MFN1: variants seen among roughly 807,000 people sequenced by gnomAD.
The protein encoded by MFN1 is mitofusin 1, also known as mitofusin-1.
Under a neutral mutation model 92.4 loss-of-function variants are expected in MFN1, and 65 were observed. That is an observed-to-expected ratio of 0.70 (90% confidence interval 0.58 to 0.86). The LOEUF (loss-of-function observed/expected upper bound fraction) is 0.86, where lower values mean the gene tolerates loss of function less well. MFN1 is among the 40% of genes least tolerant of loss of function. MFN1 has a pLI of 0.00. For synonymous variants in MFN1, 297 were observed against 300.9 expected, an observed-to-expected ratio of 0.99 and a Z score of 0.13; for missense variants, 781 against 868.0, an observed-to-expected ratio of 0.90 and a Z score of 1.26.
At chr3:179,357,272 A>C (rs73043474) in intron 3 of MFN1, among the ~76,000 whole-genome samples, 26,059 of 152,160 alleles carry the variant, frequency 0.17, 2,334 homozygotes, top group Admixed American at 0.23. Flanking sequence ...GCCAAAGTGC[A>C]GCCTGATTAT....
At chr3:179,349,010 A>G in intron 2 of MFN1, 47 bp downstream of exon 2, 1 of 1,472,768 alleles carries the variant, frequency 6.8e-7, no homozygotes, top group Non-Finnish European at 9.3e-7. Flanking sequence ...GAAAATATAT[A>G]AAAGTGCTTA....
At chr3:179,389,978 G>T in intron 16 of MFN1, 26 bp from the exon 17 acceptor site, 2 of 1,584,064 alleles carry the variant, frequency 1.3e-6, no homozygotes, top group South Asian at 1.2e-5. Flanking sequence ...AGACATTTAT[G>T]ACTGCTTCTA....
chr3:179,365,675 T>C (rs565955681), intron 7 of MFN1, among the ~76,000 whole-genome samples: 1 of 152,354 alleles, frequency 6.6e-6, no homozygotes, highest in South Asian at 2.1e-4. Context: ...ACTTCCCTTC[T>C]GTCCTACTTC....
chr3:179,361,006 C>T (rs1407727790), intron 4 of MFN1, among the ~76,000 whole-genome samples: 2 of 152,076 alleles, frequency 1.3e-5, no homozygotes, highest in Non-Finnish European at 2.9e-5. Context: ...TACCTGTAGT[C>T]CCAGCTACCC....
chr3:179,366,281 A>G (rs1712790267), intron 7 of MFN1, among the ~76,000 whole-genome samples: 1 of 152,026 alleles, frequency 6.6e-6, no homozygotes, highest in African/African-American at 2.4e-5. Context: ...AGTTAAGAAT[A>G]TGTTCGATTT....
intron 3 of MFN1, 105 bp from the exon 4 acceptor site, chr3:179,358,735 A>T: frequency 2.5e-6 from 3 of 1,198,452 alleles, no homozygotes; most frequent in Non-Finnish European, 3.5e-6. Flanking sequence ...GTCTTAAGAA[A>T]TCTTAACAAA....
At chr3:179,380,887 C>T (rs115151682) in intron 14 of MFN1, among the ~76,000 whole-genome samples, 196 of 152,260 alleles carry the variant, frequency 1.3e-3, no homozygotes, top group African/African-American at 4.4e-3. Flanking sequence ...CCTGTCACTA[C>T]ATTTATTGAT....
At chr3:179,361,108 G>C (rs1560191894) in intron 4 of MFN1, among the ~76,000 whole-genome samples, 1 of 152,136 alleles carries the variant, frequency 6.6e-6, no homozygotes. Context: ...GCAAGACACT[G>C]TCTCGAAAAG....
At chr3:179,353,142 C>G (rs1350817167) in intron 3 of MFN1, among the ~76,000 whole-genome samples, 1 of 143,770 alleles carries the variant, frequency 7.0e-6, no homozygotes. Flanking sequence ...CAACCTCCGC[C>G]TCCCGGGTTC....
At chr3:179,362,767 G>A (rs539827734) in intron 5 of MFN1, among the ~76,000 whole-genome samples, 11 of 152,242 alleles carry the variant, frequency 7.2e-5, no homozygotes, top group Non-Finnish European at 1.6e-4. Flanking sequence ...TTCGCCTGCC[G>A]GGTACAAGTG....
In MFN1 at chr3:179,377,491, A is replaced by C. The variant is rs73045111; in HGVS notation, c.1329+43A>C. 5,135 of 1,178,280 alleles carry C rather than the reference A, an allele frequency of 4.4e-3. 152 individuals are homozygous for C. In the African/African-American group the frequency reaches 0.071, roughly 16 times the overall value. The allele number at this position is 1,178,280 out of a possible 1,614,324, so 73.0% of individuals were successfully genotyped here. On this transcript the variant is annotated intron_variant, in intron 12 of 17. Coordinates refer to ENST00000471841, the MANE Select transcript of MFN1 (RefSeq NM_033540.3). ...TAAAATTATTCAGAGACAGTTTCTT[A>C]TTATTCTATACCCTCATTTATTTCA...
chr3:179,375,349 T>C lies in MFN1; in HGVS notation c.1097+8T>C. On this transcript the variant is annotated splice_region_variant and intron_variant, in intron 10 of 17. Coordinates refer to ENST00000471841, the MANE Select transcript of MFN1 (RefSeq NM_033540.3). ...GGCAGCTGAAGATAAAAGGTATGAG[T>C]TCATTTTGTTGCAACATAAAAATGT... 6.2e-7 allele frequency: 1 copy of C among 1,609,252 alleles called. No homozygotes were observed. Among genetic ancestry groups the C allele is most frequent in the African/African-American group, 1.3e-5 (1 of 74,812 alleles).
At chr3:179,360,233 A>AGTGTATCATTGCTGTTTAATC (rs1177943191) in intron 4 of MFN1, among the ~76,000 whole-genome samples, 8 of 152,122 alleles carry the variant, frequency 5.3e-5, no homozygotes, top group African/African-American at 1.9e-4. Flanking sequence ...ACATTATTGA[A>AGTGTATCATTGCTGTTTAATC]GTGTATCATT....
chr3:179,357,486 G>A (rs1012843810), intron 3 of MFN1, among the ~76,000 whole-genome samples: 7 of 152,192 alleles, frequency 4.6e-5, no homozygotes, highest in African/African-American at 1.4e-4. Flanking sequence ...ATGAAGGCAA[G>A]AAGGTTCCCT....
At chr3:179,359,213 C>T (rs1003078771) in intron 4 of MFN1, among the ~76,000 whole-genome samples, 7 of 151,948 alleles carry the variant, frequency 4.6e-5, no homozygotes, top group Admixed American at 2.0e-4. Flanking sequence ...CTCTGCCTCC[C>T]GGGTTCAAGC....
chr3:179,368,015 A>G, intron 8 of MFN1, 21 bp from the exon 9 acceptor site: 1 of 1,474,694 alleles, frequency 6.8e-7, no homozygotes, highest in Non-Finnish European at 9.0e-7. Flanking sequence ...AGGTTTTTAA[A>G]TCTTTGCCTG....
chr3:179,363,049 T>C (rs1577005482), intron 5 of MFN1, among the ~76,000 whole-genome samples: 1 of 152,192 alleles, frequency 6.6e-6, no homozygotes, highest in African/African-American at 2.4e-5. Flanking sequence ...CAAGAAAATA[T>C]GAATGAGATC....
At position 179,394,435 on chromosome 3, in the gene MFN1, A is replaced by G. The variant is rs28615576; in HGVS notation, c.*2376A>G. 2.0e-5 allele frequency: 1 copy of G among 49,396 alleles called. No individual in the cohort carries two copies. Among genetic ancestry groups the G allele is most frequent in the Non-Finnish European group, 3.6e-5 (1 of 27,438 alleles). The allele number at this position is 49,396 out of a possible 1,614,324, so 3.1% of individuals were successfully genotyped here. A position where few individuals can be genotyped will look rare whatever the true frequency, so the allele number is the denominator to read the frequency against. ...TTTTTTTTTTTTTTTTTTTTTTTTGAGACGGAGTCTCGCTCTGTCGCCCAG... is the reference window on the plus strand; with the variant it reads ...TTTTTTTTTTTTTTTTTTTTTTTTGGGACGGAGTCTCGCTCTGTCGCCCAG... On this transcript the variant is annotated 3_prime_UTR_variant, in exon 18 of 18. Coordinates refer to ENST00000471841, the MANE Select transcript of MFN1 (RefSeq NM_033540.3).
chr3:179,364,729 T>C (rs764662981), intron 6 of MFN1, among the ~76,000 whole-genome samples: 2 of 152,228 alleles, frequency 1.3e-5, no homozygotes, highest in Non-Finnish European at 2.9e-5. Context: ...TCCTTCCTTC[T>C]GCCATCTATC....
Sources: gnomAD v4.1 joint callset for allele counts (sites outside exome capture counted in the v4.1 genomes callset) on GRCh38, gnomAD v4.1.1 for gene constraint, MANE v1.5 for transcripts, NCBI Gene and HGNC (gene_info 2026-07-23, HGNC 2026-07-21) for gene names.